ANO4: variants seen among roughly 807,000 people sequenced by gnomAD.
The protein encoded by ANO4 is anoctamin 4.
A neutral mutation model predicts 141.9 loss-of-function variants in ANO4; 69 were observed. The ratio of observed to expected loss-of-function variants is 0.49; its 90% CI spans 0.40 to 0.59. The LOEUF is 0.59. Among genes scored for constraint, ANO4 ranks in the 20% least tolerant of loss-of-function variants. The probability of loss-of-function intolerance (pLI) is 0.00; values close to 1 mark genes in which losing one functional copy is unlikely to be tolerated. For missense variants in ANO4, 894 were observed against 1,162.2 expected (o/e 0.77, Z 3.36); for synonymous variants, 350 against 394.3 (o/e 0.89, Z 1.33).
chr12:101,094,972 C>T (rs2049921896), intron 18 of ANO4, among the ~76,000 whole-genome samples: 1 of 152,118 alleles, frequency 6.6e-6, no homozygotes, highest in African/African-American at 2.4e-5. Context: ...AATCTGGTAA[C>T]CAGTAATAAC....
chr12:101,043,419 A>T, intron 12 of ANO4, 120 bp from the exon 13 acceptor site: 1 of 669,026 alleles, frequency 1.5e-6, no homozygotes, highest in South Asian at 2.0e-5. Flanking sequence ...TAAAGCTAAG[A>T]TGCTTCTAAG....
chr12:101,068,416 T>A, intron 14 of ANO4: 3 of 930,128 alleles, frequency 3.2e-6, no homozygotes, highest in Non-Finnish European at 5.4e-6. Flanking sequence ...AAGCTGAGTA[T>A]CTCGCTGTTT....
Position 100,732,930 on chromosome 12 carries a change from C to T in ANO4, c.23-844C>T, listed in dbSNP as rs191680453. On this transcript the variant is annotated intron_variant, in intron 1 of 29. Transcript: ENST00000644049. ...CTCTGCCTAGAACATTTTCTGTTCA[C>T]GGTAATGAGGAAATTGATTCCTGTG... Among the ~76,000 whole-genome samples, 527 of 152,266 alleles carry T rather than the reference C, an allele frequency of 3.5e-3. 5 individuals carry two copies. Among genetic ancestry groups the T allele is most frequent in the African/African-American group, 0.011 (445 of 41,558 alleles).
chr12:101,035,660 G>C lies in ANO4; in HGVS notation c.842-1435G>C, dbSNP rs116902845. On this transcript the variant is annotated intron_variant, in intron 9 of 27. Coordinates refer to ENST00000392977, the MANE Select transcript of ANO4 (RefSeq NM_001286615.2). ...AGTCCAATGCAGAGGCATTAGGTTTGTCCATAATGAAGCTTCTGAATGAAA... is the reference window on the plus strand; with the variant it reads ...AGTCCAATGCAGAGGCATTAGGTTTCTCCATAATGAAGCTTCTGAATGAAA... Among the ~76,000 whole-genome samples the C allele has an allele frequency of 4.5e-4, 68 of 152,274 alleles. No individual in the cohort carries two copies. The East Asian group carries it at 0.012, about 27-fold the overall frequency.
chr12:101,103,988 T>G (rs527434033), intron 22 of ANO4, among the ~76,000 whole-genome samples: 2 of 152,092 alleles, frequency 1.3e-5, no homozygotes, highest in African/African-American at 4.8e-5. Flanking sequence ...TTCAAGAAAC[T>G]TGTTCATTTC....
intron 14 of ANO4, among the ~76,000 whole-genome samples, chr12:101,054,690 C>T (rs185869423): frequency 1.3e-5 from 2 of 152,226 alleles, no homozygotes; most frequent in East Asian, 3.9e-4. Flanking sequence ...TTAGTAGAGA[C>T]GGGGTTTCAC....
chr12:100,921,068 C>T (rs2041608382), intron 2 of ANO4, among the ~76,000 whole-genome samples: 2 of 152,038 alleles, frequency 1.3e-5, no homozygotes, highest in South Asian at 2.1e-4. Flanking sequence ...TAGCTTTGCT[C>T]TTAGCTCTGT....
intron 3 of ANO4, among the ~76,000 whole-genome samples, chr12:100,937,577 T>G (rs1198129024): frequency 6.6e-6 from 1 of 151,860 alleles, no homozygotes; most frequent in Non-Finnish European, 1.5e-5. Flanking sequence ...AAGACCATGG[T>G]TTTTTTTCTT....
chr12:100,798,771 G>T (rs535703990), intron 1 of ANO4, among the ~76,000 whole-genome samples: 53 of 152,342 alleles, frequency 3.5e-4, no homozygotes, highest in Middle Eastern at 3.4e-3. Context: ...CTCCAGTCAG[G>T]CTGTTTGCTC....
chr12:101,085,459 C>T (rs1014233104), intron 16 of ANO4, among the ~76,000 whole-genome samples: 2 of 152,080 alleles, frequency 1.3e-5, no homozygotes, highest in South Asian at 2.1e-4. Flanking sequence ...TAACTATTTA[C>T]ATAACATTTA....
intron 24 of ANO4, among the ~76,000 whole-genome samples, chr12:101,113,737 T>C (rs74780780): frequency 0.15 from 22,692 of 152,134 alleles, 1,709 homozygotes; most frequent in South Asian, 0.19. Flanking sequence ...GCCTTTAGGG[T>C]AGTACAGTGA....
intron 2 of ANO4, among the ~76,000 whole-genome samples, chr12:100,904,468 GA>G (rs2040745115): frequency 6.6e-6 from 1 of 152,158 alleles, no homozygotes; most frequent in Non-Finnish European, 1.5e-5. Flanking sequence ...GCTGAGTCAC[GA>G]AGATGTGTAA....
intron 5 of ANO4, among the ~76,000 whole-genome samples, chr12:100,960,240 A>T (rs1294202738): frequency 6.7e-6 from 1 of 150,110 alleles, no homozygotes; most frequent in Non-Finnish European, 1.5e-5. Flanking sequence ...ATATACATGT[A>T]CATACATATT....
intron 7 of ANO4, among the ~76,000 whole-genome samples, chr12:100,979,895 C>CTTTTTTTTTTTTTTTTTTTT (rs71091474): frequency 1.7e-5 from 2 of 119,420 alleles, no homozygotes; most frequent in Non-Finnish European, 3.4e-5. Flanking sequence ...GCCCAGCTGA[C>CTTTTTTTTTTTTTTTTTTTT]TTTTTTTTTT....
chr12:101,091,281 TAAG>T (rs1201016071), intron 17 of ANO4, among the ~76,000 whole-genome samples: 1 of 151,998 alleles, frequency 6.6e-6, no homozygotes, highest in East Asian at 1.9e-4. Flanking sequence ...AAAATGTACA[TAAG>T]AACTCTAAAA....
chr12:100,740,429 T>C (rs2031813457), intron 3 of ANO4, among the ~76,000 whole-genome samples: 1 of 152,108 alleles, frequency 6.6e-6, no homozygotes, highest in African/African-American at 2.4e-5. Context: ...GTTGAATGTG[T>C]ATAGAAATAT....
intron 3 of ANO4, among the ~76,000 whole-genome samples, chr12:100,766,613 G>T (rs1454126066): frequency 6.6e-6 from 1 of 151,996 alleles, no homozygotes; most frequent in Admixed American, 6.6e-5. Context: ...TACTAGTTAT[G>T]ATTTCAATAT....
chr12:100,843,188 C>T (rs1174125871), intron 1 of ANO4, among the ~76,000 whole-genome samples: 1 of 152,158 alleles, frequency 6.6e-6, no homozygotes, highest in Non-Finnish European at 1.5e-5. Context: ...TGAAATAGTG[C>T]ACACCAAGTG....
intron 1 of ANO4, among the ~76,000 whole-genome samples, chr12:100,887,357 T>C (rs1031664945): frequency 6.6e-6 from 1 of 152,236 alleles, no homozygotes; most frequent in Admixed American, 6.5e-5. Flanking sequence ...GAGGTAGATA[T>C]CTAGTTCCTA....
Sources: gnomAD v4.1 joint callset for allele counts (sites outside exome capture counted in the v4.1 genomes callset) on GRCh38, gnomAD v4.1.1 for gene constraint, MANE v1.5 for transcripts, NCBI Gene and HGNC (gene_info 2026-07-23, HGNC 2026-07-21) for gene names.